The following RPN1 variants were observed in gnomAD, a reference collection of about 807,000 sequenced individuals.
RPN1 encodes dolichyl-diphosphooligosaccharide--protein glycosyltransferase subunit 1.
Under a neutral mutation model 55.5 loss-of-function variants are expected in RPN1, and 12 were observed. The observed-to-expected ratio is 0.22, with a 90% CI of 0.14 to 0.35. The LOEUF (loss-of-function observed/expected upper bound fraction) is 0.35. Among genes scored for constraint, RPN1 ranks in the 10% least tolerant of loss-of-function variants. The pLI is 1.00. For missense variants in RPN1, 679 were observed against 761.3 expected, an observed-to-expected ratio of 0.89 and a Z score of 1.27; for synonymous variants, 317 against 305.9, an observed-to-expected ratio of 1.04 and a Z score of -0.38.
intron 6 of RPN1, 87 bp from the exon 7 acceptor site, chr3:128,626,099 G>A: frequency 4.4e-6 from 6 of 1,350,776 alleles, no homozygotes; most frequent in Middle Eastern, 1.9e-4. Context: ...AGGCTAAGGA[G>A]CCTTTCAAGA....
At chr3:128,630,888 C>T (rs6789207) in intron 4 of RPN1, among the ~76,000 whole-genome samples, 3,725 of 148,770 alleles carry the variant, frequency 0.025, 100 homozygotes, top group African/African-American at 0.071. Flanking sequence ...CCGAGGCGGG[C>T]GGATCACAAG....
In RPN1 at chr3:128,635,635, A is replaced by C. The variant is rs1482174560; in HGVS notation, c.633+2164T>G. ...GAGATATATATATATATATATATAT[A>C]TATAGATATATATATATATATATAT... On this transcript the variant is annotated intron_variant, in intron 3 of 9. Transcript: ENST00000296255. Among the ~76,000 whole-genome samples, 15 of 22,808 alleles carry C rather than the reference A, an allele frequency of 6.6e-4. 1 individual carries two copies. Among genetic ancestry groups the C allele is most frequent in the African/African-American group, 2.1e-3 (9 of 4,372 alleles). 15.0% of individuals were successfully genotyped at this position (22,808 alleles called of 152,430 possible).
chr3:128,622,363 T>G lies in RPN1; in HGVS notation c.1442A>C (p.Gln481Pro). 1 of 1,614,188 alleles carries G rather than the reference T, an allele frequency of 6.2e-7. No homozygotes were observed. Among genetic ancestry groups the G allele is most frequent in the Non-Finnish European group, 8.5e-7 (1 of 1,180,022 alleles). Residue 481 changes from glutamine to proline, a missense_variant, in exon 9 of 10, where the codon CAG becomes CCG. This residue lies in a region of RPN1 where 306 missense variants were observed against 360.0 expected (regional missense o/e 0.85). Transcript: ENST00000296255. ...ARMKVACITE[Q>P]VLTLVNKRIG... is the part of the protein sequence containing the mutation. ...TCTCTTGTTGACCAGGGTCAAGACC[T>G]GCTCTGTGATGCAGGCTACCTTCAT...
Position 128,622,314 on chromosome 3 carries a change from G to A in RPN1, c.1491C>T (p.Asp497=), listed in dbSNP as rs200391682. Residue 497 remains aspartate, a synonymous_variant, in exon 9 of 10, where the codon GAC becomes GAT. Transcript: ENST00000296255. ...ATTGCTTGTACCTATTGACGGTCTC[G>A]TCAAAGTGACGGTAAAGGCCTATTC... ...NKRIGLYRHF[D]ETVNRYKQSR... The A allele has an allele frequency of 1.8e-5, 29 of 1,614,206 alleles. No homozygotes were observed. The East Asian group carries it at 2.2e-4, about 12-fold the overall frequency.
At position 128,646,954 on chromosome 3, in the gene RPN1, C is replaced by T. The variant is rs932820977; in HGVS notation, c.262-1971G>A. Among the ~76,000 whole-genome samples, 4 of 149,442 alleles carry T rather than the reference C, an allele frequency of 2.7e-5. No homozygotes were observed. In the Admixed American group the frequency reaches 2.7e-4, roughly 10 times the overall value. ...TGCCACTGCACTCCAGCCTGGGCAA[C>T]AGAGTGGGACTTCCTCTCAAAAAAA... is the stretch of plus-strand genomic sequence containing the variant. On this transcript the variant is annotated intron_variant, in intron 1 of 9. Coordinates refer to ENST00000296255, the MANE Select transcript of RPN1 (RefSeq NM_002950.4).
chr3:128,650,591 C>G lies in RPN1; in HGVS notation c.210G>C (p.Leu70=). Residue 70 remains leucine, a synonymous_variant, in exon 1 of 10, where the codon CTG becomes CTC. Coordinates refer to ENST00000296255, the MANE Select transcript of RPN1 (RefSeq NM_002950.4). ...GGSTSRATSF[L]LALEPELEAR... ...CCTCGAGCTCAGGCTCCAAAGCCAG[C>G]AGGAAAGAGGTAGCTCGGGACGTGG... 6.5e-7 allele frequency: 1 copy of G among 1,549,232 alleles called. No homozygotes were observed. Among genetic ancestry groups the G allele is most frequent in the African/African-American group, 1.4e-5 (1 of 73,146 alleles).
chr3:128,645,014 T>A (rs1461034765), intron 1 of RPN1, 31 bp from the exon 2 acceptor site: 1 of 1,314,956 alleles, frequency 7.6e-7, no homozygotes, highest in Admixed American at 1.7e-5. Flanking sequence ...TTATTATTCA[T>A]GTCTTTTGGC....
chr3:128,635,690 TACAC>T (rs71153135), intron 3 of RPN1, among the ~76,000 whole-genome samples: 1,869 of 138,218 alleles, frequency 0.014, 34 homozygotes, highest in African/African-American at 0.04. Flanking sequence ...TCTATAGATA[TACAC>T]ACACACACAC....
In RPN1 at chr3:128,620,266, C is replaced by T. The variant is rs1038018715; in HGVS notation, c.*145G>A. On this transcript the variant is annotated 3_prime_UTR_variant, in exon 10 of 10. Coordinates refer to ENST00000296255, the MANE Select transcript of RPN1 (RefSeq NM_002950.4). ...CAAACGGCAAACTCACACTGCCTGA[C>T]GCAGGGCCTGGTTTCTCTTCCTTGA... is the stretch of plus-strand genomic sequence containing the variant. 54 of 529,964 alleles carry T rather than the reference C, an allele frequency of 1.0e-4. No homozygotes were observed. In the South Asian group the frequency reaches 2.3e-3, roughly 23 times the overall value. The allele number at this position is 529,964 out of a possible 1,614,324, so 32.8% of individuals were successfully genotyped here.
chr3:128,627,193 C>T (rs1245484149), intron 5 of RPN1: 5 of 277,734 alleles, frequency 1.8e-5, no homozygotes, highest in Non-Finnish European at 2.9e-5. Context: ...GGCTGAAACT[C>T]GGAGCAGTTG....
intron 3 of RPN1, among the ~76,000 whole-genome samples, 154 bp downstream of exon 3, chr3:128,637,645 G>A (rs1192325195): frequency 6.6e-6 from 1 of 152,148 alleles, no homozygotes; most frequent in East Asian, 1.9e-4. Flanking sequence ...CCCCCATGGA[G>A]TCATTTCACT....
At chr3:128,632,644 G>T (rs1175890940) in intron 3 of RPN1, among the ~76,000 whole-genome samples, 1 of 152,040 alleles carries the variant, frequency 6.6e-6, no homozygotes, top group Non-Finnish European at 1.5e-5. Flanking sequence ...ACCCAGGCTG[G>T]AGTACAATGG....
chr3:128,630,012 C>T lies in RPN1; in HGVS notation c.975G>A (p.Gly325=). The T allele has an allele frequency of 2.5e-6, 4 of 1,613,894 alleles. No individual in the cohort carries two copies. The highest frequency in any genetic ancestry group is 3.4e-6 in the Non-Finnish European group (4 of 1,179,810). The part of the protein sequence containing the change: ...EIRPRFPLFG[G]WKTHYIVGYN... ...AGCCAACGATGTAATGGGTCTTCCACCCGCCAAAGAGAGGGAAGCGAGGCC... is the reference window on the plus strand; with the variant it reads ...AGCCAACGATGTAATGGGTCTTCCATCCGCCAAAGAGAGGGAAGCGAGGCC... The change falls in exon 5 of 10, where the codon GGG becomes GGA. Residue 325 remains glycine (G), a synonymous_variant. Transcript: ENST00000296255.
At chr3:128,650,061 T>G (rs2069804182) in intron 1 of RPN1, among the ~76,000 whole-genome samples, 1 of 152,192 alleles carries the variant, frequency 6.6e-6, no homozygotes, top group Non-Finnish European at 1.5e-5. Flanking sequence ...TTTAATTCAT[T>G]TATTTGTCCT....
chr3:128,625,804 T>A, intron 7 of RPN1, 70 bp downstream of exon 7: 1 of 1,558,672 alleles, frequency 6.4e-7, no homozygotes, highest in Non-Finnish European at 8.7e-7. Flanking sequence ...GGACAGAAGG[T>A]GAGTTCTTGG....
intron 3 of RPN1, among the ~76,000 whole-genome samples, chr3:128,633,824 A>G (rs546723933): frequency 1.3e-5 from 2 of 151,818 alleles, no homozygotes; most frequent in South Asian, 4.2e-4. Context: ...CTCTACTAAA[A>G]ATAGAAAAAT....
At chr3:128,648,560 C>CA (rs538184863) in intron 1 of RPN1, among the ~76,000 whole-genome samples, 3,014 of 140,160 alleles carry the variant, frequency 0.022, 49 homozygotes, top group African/African-American at 0.048. Flanking sequence ...AACTCCGTCT[C>CA]AAAAAAAAAA....
chr3:128,641,171 T>C (rs1369824580), intron 2 of RPN1: 1 of 152,184 alleles, frequency 6.6e-6, no homozygotes, highest in Non-Finnish European at 1.5e-5. Context: ...CTTGGTTTTT[T>C]ACTCATGTAC....
intron 3 of RPN1, among the ~76,000 whole-genome samples, chr3:128,635,204 T>A (rs1040475078): frequency 3.3e-5 from 5 of 152,096 alleles, no homozygotes; most frequent in African/African-American, 1.2e-4. Flanking sequence ...CAAATCCTCA[T>A]ACATTTAGAA....
Sources: allele counts gnomAD v4.1 joint callset (sites outside exome capture counted in the v4.1 genomes callset), GRCh38; gene constraint gnomAD v4.1.1; regional missense constraint gnomAD v4.1.1; transcripts MANE v1.5; gene names NCBI Gene and HGNC (gene_info 2026-07-23, HGNC 2026-07-21).